Variants in PNPLA7 observed in about 807,000 individuals in gnomAD.
PNPLA7 encodes the protein patatin-like phospholipase domain-containing protein 7.
PNPLA7 carries 153 observed loss-of-function variants against 161.7 expected under a neutral mutation model. The ratio of observed to expected loss-of-function variants is 0.95; its 90% CI spans 0.83 to 1.08. PNPLA7 has a LOEUF of 1.08. Ranked by LOEUF, PNPLA7 falls within the 50% of genes least tolerant of loss-of-function variation. PNPLA7 has a pLI of 0.00. For synonymous variants in PNPLA7, 809 were observed against 782.1 expected (o/e 1.03, Z -0.57); for missense variants, 1,739 against 1,856.6 (o/e 0.94, Z 1.16).
intron 4 of PNPLA7, among the ~76,000 whole-genome samples, chr9:137,545,528 G>A (rs577867369): frequency 7.4e-4 from 112 of 152,292 alleles, no homozygotes; most frequent in African/African-American, 2.1e-3. Context: ...CTTTGTGAGC[G>A]GCAAGCGACT....
At chr9:137,505,906 G>C (rs531175928) in intron 13 of PNPLA7, 77 bp downstream of exon 13, 1 of 1,532,954 alleles carries the variant, frequency 6.5e-7, no homozygotes, top group South Asian at 1.2e-5. Context: ...CAAAGCCGGC[G>C]GCGCCCCCAA....
Position 137,464,374 on chromosome 9 carries a change from C to T in PNPLA7, c.3122G>A (p.Ser1041Asn). ...SMFSGAGFNSSIFSVFKDQQI... is the reference protein window; with the variant it reads ...SMFSGAGFNSNIFSVFKDQQI... Reference sequence around the variant, plus strand: ...CTGGTCCTTGAAGACGCTGAAGATGCTGCTGTTGAAGCCGGCTCCGGAGAA... The same window carrying T: ...CTGGTCCTTGAAGACGCTGAAGATGTTGCTGTTGAAGCCGGCTCCGGAGAA... The change falls in exon 27 of 35, where the codon AGC becomes AAC. Residue 1041 changes from serine (S) to asparagine (N), a missense_variant. Around this residue, in one of 6 missense-constraint regions of PNPLA7, gnomAD observed 703 missense variants for 694.6 expected, o/e 1.01. Coordinates refer to ENST00000406427, the MANE Select transcript of PNPLA7 (RefSeq NM_001098537.3). The T allele has an allele frequency of 1.9e-6, 3 of 1,613,950 alleles. No individual in the cohort carries two copies. Among genetic ancestry groups the T allele is most frequent in the African/African-American group, 2.7e-5 (2 of 75,018 alleles).
intron 8 of PNPLA7, among the ~76,000 whole-genome samples, chr9:137,530,511 C>A (rs570881502): frequency 5.9e-5 from 9 of 152,180 alleles, no homozygotes; most frequent in Non-Finnish European, 1.2e-4. Context: ...CAGAAGAAAA[C>A]GAAAAAGCAG....
intron 11 of PNPLA7, among the ~76,000 whole-genome samples, chr9:137,519,343 A>G (rs1834863119): frequency 6.6e-6 from 1 of 152,236 alleles, no homozygotes; most frequent in Non-Finnish European, 1.5e-5. Flanking sequence ...AGCACTCAGA[A>G]CAGCGGGTGA....
chr9:137,542,760 C>G lies in PNPLA7; in HGVS notation c.548G>C (p.Cys183Ser), dbSNP rs148214431. The G allele has an allele frequency of 8.1e-6, 13 of 1,613,730 alleles. No individual in the cohort carries two copies. In the African/African-American group the frequency reaches 1.7e-4, roughly 22 times the overall value. Reference protein sequence around the residue: ...HFEKPLFLELCKHIVFVQLQE... With the variant: ...HFEKPLFLELSKHIVFVQLQE... ...CAGCTGCACAAAGACGATGTGTTTGCAAAGCTCCAGGAACAGCGGCTTCTC... is the reference window on the plus strand; with the variant it reads ...CAGCTGCACAAAGACGATGTGTTTGGAAAGCTCCAGGAACAGCGGCTTCTC... Residue 183 changes from cysteine (C) to serine (S), a missense_variant, in exon 7 of 35, where the codon TGC becomes TCC. By Grantham distance (112) the Cys-to-Ser change is moderately radical (BLOSUM62 -1). Around this residue, in one of 6 missense-constraint regions of PNPLA7, gnomAD observed 209 missense variants for 252.8 expected, o/e 0.83. Coordinates refer to ENST00000406427, the MANE Select transcript of PNPLA7 (RefSeq NM_001098537.3).
chr9:137,461,793 G>T, intron 32 of PNPLA7, 138 bp downstream of exon 32: 1 of 1,195,676 alleles, frequency 8.4e-7, no homozygotes, highest in Non-Finnish European at 1.2e-6. Flanking sequence ...CCTTGTCCTG[G>T]CCCTGGAGTC....
intron 29 of PNPLA7, 50 bp from the exon 30 acceptor site, chr9:137,462,883 G>A: frequency 6.2e-7 from 1 of 1,603,880 alleles, no homozygotes; most frequent in Non-Finnish European, 8.5e-7. Context: ...TGCAGAGCCA[G>A]GGGACGGGGG....
rs1339680349 is a variant in PNPLA7, at chr9:137,500,448, A to G, written c.1757+243T>C. ...CCACAGACCAGTGATAAATGGACAC[A>G]GCTGGGACCAGACCACAGAGACGGC... is the stretch of plus-strand genomic sequence containing the variant. On this transcript the variant is annotated intron_variant, in intron 16 of 34. Coordinates refer to ENST00000406427, the MANE Select transcript of PNPLA7 (RefSeq NM_001098537.3). This position sits in a 1 kb window ranked among gnomAD's most constrained non-coding sequence, Gnocchi z 5.5. Among the ~76,000 whole-genome samples, 1 of 152,226 alleles carries G rather than the reference A, an allele frequency of 6.6e-6. No homozygotes were observed.
Position 137,537,135 on chromosome 9 carries a change from T to A in PNPLA7, c.747+3507A>T, listed in dbSNP as rs1444279053. Among the ~76,000 whole-genome samples, 1 of 152,196 alleles carries A rather than the reference T, an allele frequency of 6.6e-6. No individual in the cohort carries two copies. Among genetic ancestry groups the A allele is most frequent in the African/African-American group, 2.4e-5 (1 of 41,432 alleles). ...AGAAGGAACCGAAGCGTTTTCAGTGTGAGGGGACAGACGGCCACTGTTGAT... is the reference window on the plus strand; with the variant it reads ...AGAAGGAACCGAAGCGTTTTCAGTGAGAGGGGACAGACGGCCACTGTTGAT... On this transcript the variant is annotated intron_variant, in intron 8 of 34. Coordinates refer to ENST00000406427, the MANE Select transcript of PNPLA7 (RefSeq NM_001098537.3). The surrounding 1 kb of genome is among the most constrained non-coding windows in gnomAD (Gnocchi z 4.5).
At chr9:137,507,567 G>T (rs1458151380) in intron 12 of PNPLA7, among the ~76,000 whole-genome samples, 1 of 152,192 alleles carries the variant, frequency 6.6e-6, no homozygotes, top group Non-Finnish European at 1.5e-5. Context: ...TCCTCGGGAG[G>T]CTGAGGCAGG....
At chr9:137,529,979 T>C (rs1212533517) in intron 8 of PNPLA7, among the ~76,000 whole-genome samples, 2 of 147,888 alleles carry the variant, frequency 1.4e-5, no homozygotes, top group African/African-American at 2.5e-5. Context: ...ATTTTTTTTT[T>C]CCTGAGATAC....
chr9:137,478,143 A>G lies in PNPLA7; in HGVS notation c.2773T>C (p.Tyr925His). 7.6e-7 allele frequency: 1 copy of G among 1,309,144 alleles called. No individual in the cohort carries two copies. The highest frequency in any genetic ancestry group is 9.8e-7 in the Non-Finnish European group (1 of 1,019,630). The allele number at this position is 1,309,144 out of a possible 1,614,324, so 81.1% of individuals were successfully genotyped here. The change falls in exon 25 of 35, where the codon TAC becomes CAC. Residue 925 changes from tyrosine (Y) to histidine (H), a missense_variant. By Grantham distance (83) the Tyr-to-His change is moderately conservative. Coordinates refer to ENST00000406427, the MANE Select transcript of PNPLA7 (RefSeq NM_001098537.3). ...RRSLPKLVEM[Y>H]KHVFQRPPDR... ...GGGGGCCGCTGGAAGACATGCTTGT[A>G]CATCTCCACCTGGGGGAGGAGCCGT...
intron 25 of PNPLA7, among the ~76,000 whole-genome samples, chr9:137,475,025 A>AAG (rs1482436782): frequency 6.6e-6 from 1 of 150,758 alleles, no homozygotes; most frequent in Non-Finnish European, 1.5e-5. Flanking sequence ...AAAAAAAAAA[A>AAG]AAAAAAAGAA....
At chr9:137,462,564 GT>G in intron 30 of PNPLA7, 120 bp downstream of exon 30, 1 of 1,438,128 alleles carries the variant, frequency 7.0e-7, no homozygotes, top group Non-Finnish European at 9.3e-7. Flanking sequence ...GTGGTGAGGG[GT>G]GGCCCCAGAC....
At chr9:137,497,711 A>G (rs1426781043) in intron 17 of PNPLA7, among the ~76,000 whole-genome samples, 1 of 152,182 alleles carries the variant, frequency 6.6e-6, no homozygotes, top group African/African-American at 2.4e-5. Flanking sequence ...TATTTTTAAC[A>G]GAGACAGGGT....
intron 4 of PNPLA7, among the ~76,000 whole-genome samples, chr9:137,544,542 TC>T (rs1836384140): frequency 6.6e-6 from 1 of 152,176 alleles, no homozygotes; most frequent in African/African-American, 2.4e-5. Flanking sequence ...CAGCCCTAAC[TC>T]ATCTGCCCTT....
chr9:137,501,966 A>T (rs1229752781), intron 14 of PNPLA7, among the ~76,000 whole-genome samples: 2 of 152,286 alleles, frequency 1.3e-5, no homozygotes, highest in African/African-American at 2.4e-5. Flanking sequence ...AGCAAGGCAG[A>T]AAATGCAGAA....
chr9:137,546,926 G>A lies in PNPLA7; in HGVS notation c.194-17C>T. ...GTGCTTGTCCTGCAGGGGAGTAAAG[G>A]GATGGCCTGAGGTAGAGCCGTGGCA... On this transcript the variant is annotated splice_polypyrimidine_tract_variant and intron_variant, in intron 3 of 34. Transcript: ENST00000406427. The A allele has an allele frequency of 3.1e-6, 5 of 1,612,758 alleles. No individual in the cohort carries two copies. The highest frequency in any genetic ancestry group is 4.2e-6 in the Non-Finnish European group (5 of 1,179,202).
chr9:137,467,221 C>T lies in PNPLA7; in HGVS notation c.3039+96G>A. ...TAGCCTCCTCGAGGGCAGGGCCCTGCAGAGCCACATGCAGAGGCCAACGGC... is the reference window on the plus strand; with the variant it reads ...TAGCCTCCTCGAGGGCAGGGCCCTGTAGAGCCACATGCAGAGGCCAACGGC... On this transcript the variant is annotated intron_variant, in intron 26 of 34. Coordinates refer to ENST00000406427, the MANE Select transcript of PNPLA7 (RefSeq NM_001098537.3). The surrounding 1 kb of genome is among the most constrained non-coding windows in gnomAD (Gnocchi z 5.1). 6.9e-7 allele frequency: 1 copy of T among 1,457,388 alleles called. No homozygotes were observed. The highest frequency in any genetic ancestry group is 9.1e-7 in the Non-Finnish European group (1 of 1,093,844). The allele number at this position is 1,457,388 out of a possible 1,614,324, so 90.3% of individuals were successfully genotyped here.
Sources: allele counts gnomAD v4.1 joint callset (sites outside exome capture counted in the v4.1 genomes callset), GRCh38; gene constraint gnomAD v4.1.1; regional missense constraint gnomAD v4.1.1; non-coding constraint Gnocchi (gnomAD v3.1); transcripts MANE v1.5; gene names NCBI Gene and HGNC (gene_info 2026-07-23, HGNC 2026-07-21).